ZBTB20: variants seen among roughly 807,000 people sequenced by gnomAD.
ZBTB20 encodes zinc finger and BTB domain-containing protein 20.
ZBTB20 carries 9 observed loss-of-function variants against 56.9 expected under a neutral mutation model. That is an observed-to-expected ratio of 0.16 (90% CI 0.10 to 0.28). The LOEUF is 0.28. ZBTB20 is among the 10% of genes least tolerant of loss of function. ZBTB20 has a pLI of 1.00. For missense variants in ZBTB20, 655 were observed against 1,003.0 expected, an observed-to-expected ratio of 0.65 and a Z score of 4.69; for synonymous variants, 417 against 420.7, an observed-to-expected ratio of 0.99 and a Z score of 0.11.
chr3:115,111,222 T>C lies in ZBTB20; in HGVS notation c.-703+35997A>G, dbSNP rs199600666. 3.9e-5 allele frequency among the ~76,000 whole-genome samples: 6 copies of C among 152,132 alleles called. No homozygotes were observed. The East Asian group carries it at 7.7e-4, about 20-fold the overall frequency. ...ATACTCCCAACATCACTTAAACCTA[T>C]GTGAAATTTGAATATCAAACAGTAT... On this transcript the variant is annotated intron_variant, in intron 1 of 11. Coordinates refer to ENST00000675478, the MANE Select transcript of ZBTB20 (RefSeq NM_001348800.3).
chr3:115,029,673 A>C (rs1326793138), intron 2 of ZBTB20, among the ~76,000 whole-genome samples: 1 of 150,914 alleles, frequency 6.6e-6, no homozygotes, highest in Non-Finnish European at 1.5e-5. Context: ...TGGTGCTGAG[A>C]CAACTGGTTA....
At chr3:114,936,300 G>C (rs935895996) in intron 3 of ZBTB20, among the ~76,000 whole-genome samples, 1 of 152,084 alleles carries the variant, frequency 6.6e-6, no homozygotes, top group African/African-American at 2.4e-5. Flanking sequence ...GCACACACAC[G>C]TATGCAATAT....
At chr3:115,037,501 T>C (rs1576622189) in intron 2 of ZBTB20, among the ~76,000 whole-genome samples, 1 of 152,128 alleles carries the variant, frequency 6.6e-6, no homozygotes, top group Non-Finnish European at 1.5e-5. Context: ...GCCAGGCTGG[T>C]CTCAAACTCC....
chr3:114,427,587 G>A (rs779323706), intron 7 of ZBTB20, among the ~76,000 whole-genome samples: 1 of 152,212 alleles, frequency 6.6e-6, no homozygotes, highest in African/African-American at 2.4e-5. Context: ...ACACAGATGA[G>A]ACAACAACTC....
At chr3:114,446,050 C>T (rs1329680011) in intron 7 of ZBTB20, among the ~76,000 whole-genome samples, 3 of 151,966 alleles carry the variant, frequency 2.0e-5, no homozygotes, top group African/African-American at 7.3e-5. Context: ...TTTTTATGGT[C>T]ATGGTATGTA....
chr3:114,521,478 C>T lies in ZBTB20; in HGVS notation c.-294-21087G>A, dbSNP rs1211395515. The stretch of plus-strand genomic sequence containing the variant: ...GATAAAGGTAGACAATATTTTGTGT[C>T]TCCACTAACCAGGTTTCTTGAATCT... On this transcript the variant is annotated intron_variant, in intron 6 of 11. Transcript: ENST00000675478. Among the ~76,000 whole-genome samples, 4 of 152,242 alleles carry T rather than the reference C, an allele frequency of 2.6e-5. No individual in the cohort carries two copies. In the East Asian group the frequency reaches 7.7e-4, roughly 29 times the overall value.
chr3:114,810,289 C>T (rs2072423447), intron 4 of ZBTB20, among the ~76,000 whole-genome samples: 1 of 152,168 alleles, frequency 6.6e-6, no homozygotes, highest in African/African-American at 2.4e-5. Flanking sequence ...TTTTCCAATT[C>T]TCCCTGCTAA....
At chr3:114,922,068 T>C (rs900633782) in intron 3 of ZBTB20, among the ~76,000 whole-genome samples, 19 of 152,272 alleles carry the variant, frequency 1.2e-4, no homozygotes, top group Admixed American at 1.2e-3. Flanking sequence ...TCAATAAATG[T>C]GATACATCAC....
At chr3:115,046,626 T>C (rs1215739171) in intron 2 of ZBTB20, among the ~76,000 whole-genome samples, 1 of 152,220 alleles carries the variant, frequency 6.6e-6, no homozygotes, top group African/African-American at 2.4e-5. Context: ...ATAGTTTTTA[T>C]AGGATTTACA....
At chr3:114,364,441 A>G (rs1050415704) in intron 10 of ZBTB20, among the ~76,000 whole-genome samples, 2 of 152,148 alleles carry the variant, frequency 1.3e-5, no homozygotes, top group African/African-American at 4.8e-5. Flanking sequence ...ACAGAGTGAG[A>G]CTCTGTCTCA....
At chr3:114,776,225 C>G (rs573871836) in intron 5 of ZBTB20, among the ~76,000 whole-genome samples, 5 of 149,870 alleles carry the variant, frequency 3.3e-5, no homozygotes, top group African/African-American at 1.2e-4. Context: ...AATGTGTCCA[C>G]GTTCTAACTC....
intron 5 of ZBTB20, among the ~76,000 whole-genome samples, chr3:114,740,455 G>A (rs923266168): frequency 6.6e-6 from 1 of 152,132 alleles, no homozygotes; most frequent in Non-Finnish European, 1.5e-5. Context: ...TAAGTTTTTA[G>A]GGAAAAATAA....
At chr3:114,678,152 A>G (rs1001183956) in intron 6 of ZBTB20, among the ~76,000 whole-genome samples, 21 of 152,156 alleles carry the variant, frequency 1.4e-4, no homozygotes, top group African/African-American at 5.1e-4. Flanking sequence ...TGTTCTTTTC[A>G]AATTGGCAGA....
At chr3:114,792,416 A>T (rs1227244319) in intron 5 of ZBTB20, among the ~76,000 whole-genome samples, 5 of 152,166 alleles carry the variant, frequency 3.3e-5, no homozygotes, top group Admixed American at 2.6e-4. Flanking sequence ...ATTTCAATGG[A>T]CTGCTAAGGG....
At chr3:114,872,503 A>T (rs2107545314) in intron 4 of ZBTB20, among the ~76,000 whole-genome samples, 1 of 152,218 alleles carries the variant, frequency 6.6e-6, no homozygotes, top group South Asian at 2.1e-4. Flanking sequence ...AAAACTGTAA[A>T]GATGTAATGG....
chr3:114,348,358 C>A (rs190314916), intron 11 of ZBTB20, among the ~76,000 whole-genome samples: 1 of 152,152 alleles, frequency 6.6e-6, no homozygotes, highest in Admixed American at 6.5e-5. Flanking sequence ...AACTATGTGA[C>A]AGCACTCTAT....
chr3:114,822,787 C>T (rs1380084486), intron 4 of ZBTB20, among the ~76,000 whole-genome samples: 6 of 151,926 alleles, frequency 3.9e-5, no homozygotes, highest in African/African-American at 1.4e-4. Flanking sequence ...GTAGAATTGA[C>T]TAGAATTTAA....
At chr3:114,691,466 CAT>C (rs952760659) in intron 6 of ZBTB20, among the ~76,000 whole-genome samples, 4 of 151,910 alleles carry the variant, frequency 2.6e-5, no homozygotes, top group East Asian at 1.9e-4. Flanking sequence ...AATTTAAAAA[CAT>C]ATACTGATTT....
At chr3:114,828,973 G>T (rs1339695994) in intron 4 of ZBTB20, among the ~76,000 whole-genome samples, 1 of 151,762 alleles carries the variant, frequency 6.6e-6, no homozygotes, top group Non-Finnish European at 1.5e-5. Flanking sequence ...AAAAAGATAA[G>T]CCTGGTCACT....
Sources: gnomAD v4.1 joint callset for allele counts (sites outside exome capture counted in the v4.1 genomes callset) on GRCh38, gnomAD v4.1.1 for gene constraint, MANE v1.5 for transcripts, NCBI Gene and HGNC (gene_info 2026-07-23, HGNC 2026-07-21) for gene names.